NF1: variants seen among roughly 807,000 people sequenced by gnomAD.
NF1 encodes the protein neurofibromin.
A neutral mutation model predicts 325.7 loss-of-function variants in NF1; 122 were observed. The ratio of observed to expected loss-of-function variants is 0.37; its 90% CI spans 0.32 to 0.44. The LOEUF (loss-of-function observed/expected upper bound fraction) is 0.44. Among genes scored for constraint, NF1 ranks in the 20% least tolerant of loss-of-function variants. NF1 has a pLI of 1.00. For missense variants in NF1, 2,140 were observed against 3,415.4 expected, an observed-to-expected ratio of 0.63 and a Z score of 9.31; for synonymous variants, 1,091 against 1,186.0, an observed-to-expected ratio of 0.92 and a Z score of 1.65.
At chr17:31,102,087 C>T (rs1912391149) in intron 1 of NF1, among the ~76,000 whole-genome samples, 1 of 152,044 alleles carries the variant, frequency 6.6e-6, no homozygotes, top group Non-Finnish European at 1.5e-5. Context: ...TTGCAATAGC[C>T]TAGGTCTGAT....
chr17:31,166,655 C>T (rs552727991), intron 4 of NF1, among the ~76,000 whole-genome samples: 99 of 152,124 alleles, frequency 6.5e-4, no homozygotes, highest in African/African-American at 2.3e-3. Flanking sequence ...AGCAGTTAAG[C>T]TTCTTTGTGC....
intron 1 of NF1, among the ~76,000 whole-genome samples, chr17:31,139,280 T>C (rs373218709): frequency 6.6e-6 from 1 of 152,040 alleles, no homozygotes; most frequent in African/African-American, 2.4e-5. Flanking sequence ...ACTCCTGTCC[T>C]CAAGTGATCG....
At chr17:31,335,257 T>G in intron 40 of NF1, among the ~76,000 whole-genome samples, 1 of 34,058 alleles carries the variant, frequency 2.9e-5, no homozygotes, top group Admixed American at 3.2e-4. Flanking sequence ...ATTTGCACAG[T>G]CTCCTTCAAG....
At chr17:31,166,068 G>A (rs186458606) in intron 4 of NF1, among the ~76,000 whole-genome samples, 75 of 152,128 alleles carry the variant, frequency 4.9e-4, no homozygotes, top group Middle Eastern at 3.4e-3. Context: ...TTTATGTAGC[G>A]GAGTAACTGC....
At chr17:31,256,611 A>G (rs1658454829) in intron 31 of NF1, among the ~76,000 whole-genome samples, 2 of 152,196 alleles carry the variant, frequency 1.3e-5, no homozygotes, top group South Asian at 4.1e-4. Context: ...AAGGTTCAAC[A>G]CCGTACTGGA....
intron 30 of NF1, chr17:31,251,672 C>G (rs943037561): frequency 5.0e-6 from 1 of 199,066 alleles, no homozygotes; most frequent in Non-Finnish European, 1.0e-5. Context: ...AGTTTACACA[C>G]AGTTTTAAGG....
chr17:31,157,735 G>A (rs549893814), intron 2 of NF1, among the ~76,000 whole-genome samples: 109 of 151,302 alleles, frequency 7.2e-4, no homozygotes, highest in African/African-American at 2.5e-3. Context: ...CAAGACGGGC[G>A]GATCACGAGG....
At chr17:31,317,132 G>T (rs1410479573) in intron 36 of NF1, among the ~76,000 whole-genome samples, 1 of 151,998 alleles carries the variant, frequency 6.6e-6, no homozygotes, top group African/African-American at 2.4e-5. Context: ...TTTTAAAATG[G>T]TTACTATATT....
At chr17:31,326,434 G>A (rs533508290) in intron 37 of NF1, among the ~76,000 whole-genome samples, 182 bp downstream of exon 37, 1 of 152,202 alleles carries the variant, frequency 6.6e-6, no homozygotes, top group East Asian at 1.9e-4. Flanking sequence ...GATCACGTGA[G>A]GTCAGGAGTT....
rs1293725030 is a variant in NF1, at chr17:31,277,821, C to T, written c.4835+12482C>T. Among the ~76,000 whole-genome samples, 5 of 152,246 alleles carry T rather than the reference C, an allele frequency of 3.3e-5. No homozygotes were observed. In the East Asian group the frequency reaches 7.7e-4, roughly 23 times the overall value. ...TGCTAACTGCTTCCTGCACTCACTA[C>T]TTCAGGTGTAGTATCACACTGTCTC... On this transcript the variant is annotated intron_variant, in intron 36 of 57. Coordinates refer to ENST00000358273, the MANE Select transcript of NF1 (RefSeq NM_001042492.3).
intron 36 of NF1, chr17:31,295,294 A>G (rs751237064): frequency 1.2e-6 from 2 of 1,614,130 alleles, no homozygotes; most frequent in Non-Finnish European, 1.7e-6. Flanking sequence ...CTGCTGCTTC[A>G]TGTGAATTGA....
chr17:31,356,435 G>C (rs765504518), intron 51 of NF1, 25 bp from the exon 52 acceptor site: 2 of 1,607,610 alleles, frequency 1.2e-6, no homozygotes, highest in Non-Finnish European at 1.7e-6. Flanking sequence ...TAATGAACTT[G>C]CATATTCTTA....
intron 17 of NF1, among the ~76,000 whole-genome samples, chr17:31,225,937 A>G (rs76447207): frequency 3.9e-5 from 6 of 152,328 alleles, no homozygotes; most frequent in African/African-American, 9.6e-5. Context: ...AATCAAATGT[A>G]TCTTCTACAG....
chr17:31,298,246 A>G (rs1821760379), intron 36 of NF1, among the ~76,000 whole-genome samples: 1 of 152,182 alleles, frequency 6.6e-6, no homozygotes, highest in Admixed American at 6.5e-5. Flanking sequence ...GATCAGATTT[A>G]TGATAAATTT....
At chr17:31,280,370 G>A (rs771490810) in intron 36 of NF1, among the ~76,000 whole-genome samples, 2 of 151,456 alleles carry the variant, frequency 1.3e-5, no homozygotes, top group African/African-American at 2.4e-5. Flanking sequence ...TTAGCTGGGC[G>A]TGGTGGTGTG....
chr17:31,184,660 TAAAAAAAA>T (rs1166091450), intron 8 of NF1, among the ~76,000 whole-genome samples: 1 of 138,314 alleles, frequency 7.2e-6, no homozygotes, highest in Non-Finnish European at 1.5e-5. Context: ...AAAAAAAAAA[TAAAAAAAA>T]AAAATAAAAA....
intron 8 of NF1, chr17:31,183,285 A>C (rs2066171541): frequency 6.2e-6 from 1 of 160,448 alleles, no homozygotes; most frequent in South Asian, 2.0e-4. Context: ...TTTGTTTTGC[A>C]AATATTTTTT....
Position 31,358,900 on chromosome 17 carries a change from C to T in NF1, c.8114-69C>T, listed in dbSNP as rs2070336961. Reference sequence around the variant, plus strand: ...GGTTTATATATCATCAGCTATATGACTTATTTAATTTCTGTTACAATTAAA... The same window carrying T: ...GGTTTATATATCATCAGCTATATGATTTATTTAATTTCTGTTACAATTAAA... On this transcript the variant is annotated intron_variant, in intron 55 of 57. Transcript: ENST00000358273. 1.8e-5 allele frequency: 24 copies of T among 1,362,588 alleles called. 1 individual carries two copies. In the South Asian group the frequency reaches 2.5e-4, roughly 14 times the overall value. The allele number at this position is 1,362,588 out of a possible 1,614,324, so 84.4% of individuals were successfully genotyped here.
intron 4 of NF1, among the ~76,000 whole-genome samples, chr17:31,163,713 G>A (rs775811962): frequency 6.6e-6 from 1 of 152,112 alleles, no homozygotes; most frequent in Non-Finnish European, 1.5e-5. Context: ...TATCTGCCGT[G>A]AGCAGGCTTT....
Sources: allele counts gnomAD v4.1 joint callset (sites outside exome capture counted in the v4.1 genomes callset), GRCh38; gene constraint gnomAD v4.1.1; transcripts MANE v1.5; gene names NCBI Gene and HGNC (gene_info 2026-07-23, HGNC 2026-07-21).